HECW1: variants seen among roughly 807,000 people sequenced by gnomAD.
HECW1 encodes the protein E3 ubiquitin-protein ligase HECW1.
HECW1 carries 61 observed loss-of-function variants against 182.3 expected under a neutral mutation model. The ratio of observed to expected loss-of-function variants is 0.33; its 90% confidence interval spans 0.27 to 0.41. The LOEUF (loss-of-function observed/expected upper bound fraction) is 0.41. Ranked by LOEUF, HECW1 falls within the 10% of genes least tolerant of loss-of-function variation. The pLI is 1.00. For synonymous variants in HECW1, 859 were observed against 832.6 expected (o/e 1.03, Z -0.55); for missense variants, 1,739 against 2,108.9 (o/e 0.82, Z 3.44).
chr7:43,115,172 G>A (rs1408298868), intron 2 of HECW1, among the ~76,000 whole-genome samples: 4 of 152,140 alleles, frequency 2.6e-5, no homozygotes, highest in African/African-American at 4.8e-5. Flanking sequence ...TAATTATAAC[G>A]TGAACCATGC....
intron 2 of HECW1, among the ~76,000 whole-genome samples, chr7:43,198,527 C>T (rs1430452629): frequency 2.7e-5 from 4 of 150,690 alleles, no homozygotes; most frequent in Non-Finnish European, 1.5e-5. Context: ...CCACAGACAC[C>T]ACACTCACAC....
intron 2 of HECW1, among the ~76,000 whole-genome samples, chr7:43,188,756 A>G (rs1447217403): frequency 1.3e-5 from 2 of 152,186 alleles, no homozygotes; most frequent in African/African-American, 2.4e-5. Context: ...CCCCCGTGCC[A>G]TATCTGGCCA....
intron 2 of HECW1, among the ~76,000 whole-genome samples, chr7:43,227,473 T>C (rs1797529386): frequency 6.6e-6 from 1 of 152,174 alleles, no homozygotes; most frequent in Admixed American, 6.6e-5. Context: ...GTGCAGAAAG[T>C]ATGTAATAAA....
intron 2 of HECW1, among the ~76,000 whole-genome samples, chr7:43,189,711 T>G (rs1793726089): frequency 6.6e-6 from 1 of 152,230 alleles, no homozygotes; most frequent in Admixed American, 6.5e-5. Context: ...ATAAGAAAAC[T>G]TTTTGCACTG....
chr7:43,206,879 T>C (rs1795527734), intron 2 of HECW1, among the ~76,000 whole-genome samples: 1 of 152,242 alleles, frequency 6.6e-6, no homozygotes. Context: ...GTCTTTGTTA[T>C]AGCTGAGTTA....
chr7:43,302,351 C>G (rs1806934472), intron 3 of HECW1, among the ~76,000 whole-genome samples: 1 of 152,244 alleles, frequency 6.6e-6, no homozygotes, highest in South Asian at 2.1e-4. Flanking sequence ...GGCAGCTGCC[C>G]TTCTCAGGCT....
rs538392837 is a variant in HECW1, at chr7:43,268,346, T to C, written c.27+24414T>C. On this transcript the variant is annotated intron_variant, in intron 3 of 29. Coordinates refer to ENST00000395891, the MANE Select transcript of HECW1 (RefSeq NM_015052.5). ...GTGGAGAAGGGCTGTAGTTTAGAGA[T>C]AGGCCACCAAGATTTGAATCAAAGA... Among the ~76,000 whole-genome samples, 31 of 152,350 alleles carry C rather than the reference T, an allele frequency of 2.0e-4. No homozygotes were observed. In the South Asian group the frequency reaches 5.8e-3, roughly 29 times the overall value.
In HECW1 at chr7:43,396,826, A is replaced by T. The variant is rs1182242894; in HGVS notation, c.568A>T (p.Ile190Phe). The change falls in exon 7 of 30, where the codon ATT (isoleucine) becomes TTT (phenylalanine). Residue 190 changes from isoleucine (I) to phenylalanine (F), a missense_variant. Transcript: ENST00000395891. ...KNSAAPIFKS[I>F]GADETVQGQG... ...CTTCTTTTTACAGATTTTTAAAAGC[A>T]TTGGTGCTGATGAGACCGTCCAAGG... 1 of 1,612,268 alleles carries T rather than the reference A, an allele frequency of 6.2e-7. No individual in the cohort carries two copies. Among genetic ancestry groups the T allele is most frequent in the Non-Finnish European group, 8.5e-7 (1 of 1,179,304 alleles).
At chr7:43,415,426 G>T (rs2075959221) in intron 8 of HECW1, among the ~76,000 whole-genome samples, 1 of 148,546 alleles carries the variant, frequency 6.7e-6, no homozygotes, top group African/African-American at 2.5e-5. Flanking sequence ...TTCCCTTTGA[G>T]GGTAACCCGA....
chr7:43,173,862 G>A (rs62458215), intron 2 of HECW1, among the ~76,000 whole-genome samples: 4 of 148,512 alleles, frequency 2.7e-5, no homozygotes, highest in African/African-American at 9.9e-5. Context: ...TTTTTTTTTG[G>A]AGACAGGGTA....
chr7:43,523,773 T>C (rs1295395862), intron 24 of HECW1, among the ~76,000 whole-genome samples: 1 of 151,922 alleles, frequency 6.6e-6, no homozygotes, highest in Non-Finnish European at 1.5e-5. Context: ...GCTGGTGATA[T>C]GAGGGGGATT....
At chr7:43,455,470 G>A (rs934535164) in intron 12 of HECW1, among the ~76,000 whole-genome samples, 2 of 152,062 alleles carry the variant, frequency 1.3e-5, no homozygotes, top group Non-Finnish European at 1.5e-5. Flanking sequence ...TTAATCTGAG[G>A]GCCATTCTTC....
intron 10 of HECW1, among the ~76,000 whole-genome samples, chr7:43,443,721 A>C (rs6950232): frequency 6.6e-6 from 1 of 152,048 alleles, no homozygotes; most frequent in Admixed American, 6.5e-5. Flanking sequence ...GATTGTTCCT[A>C]TTCTTCATCC....
chr7:43,351,315 C>T lies in HECW1; in HGVS notation c.461-9571C>T, dbSNP rs140952654. Reference sequence around the variant, plus strand: ...ATAGGGGTCCTTGGCTTTGGTTGTTCAATGCTCTATTTTTGTACTGGTTGG... The same window carrying T: ...ATAGGGGTCCTTGGCTTTGGTTGTTTAATGCTCTATTTTTGTACTGGTTGG... On this transcript the variant is annotated intron_variant, in intron 5 of 29. Transcript: ENST00000395891. Among the ~76,000 whole-genome samples the T allele has an allele frequency of 4.7e-3, 709 of 152,202 alleles. 7 individuals carry two copies. The highest frequency in any genetic ancestry group is 0.016 in the African/African-American group (667 of 41,532).
rs767968550 is a variant in HECW1 at position 43,444,659 on chromosome 7, G to A, written c.1487G>A (p.Arg496Gln). 8 of 1,605,616 alleles carry A rather than the reference G, an allele frequency of 5.0e-6. No individual in the cohort carries two copies. The South Asian group carries it at 8.9e-5, about 18-fold the overall frequency. ...PLEEEATTQS[R>Q]AGREEEEKEQ... ...GAGGAGGAAGCAACGACCCAGAGCC[G>A]GGCTGGAAGGGAAGAAGAGGAGAAG... The change falls in exon 11 of 30, where the codon CGG becomes CAG. Residue 496 changes from arginine to glutamine, a missense_variant. Physicochemically the swap from Arg to Gln is conservative, Grantham distance 43. Transcript: ENST00000395891. The surrounding 1 kb of genome is among the most constrained non-coding windows in gnomAD (Gnocchi z 4.3).
chr7:43,501,309 T>A lies in HECW1; in HGVS notation c.3618T>A (p.Pro1206=). 1.3e-6 allele frequency: 2 copies of A among 1,595,152 alleles called. No individual in the cohort carries two copies. The highest frequency in any genetic ancestry group is 1.7e-6 in the Non-Finnish European group (2 of 1,165,146). ...FSPRCSPCSS[P]QNSPGLQRAS... is the part of the protein sequence containing the mutation. Reference sequence around the variant, plus strand: ...CCCGATGTTCACCCTGTTCTTCACCTCAGAACTCCCCAGGTAACAGGAATC... The same window carrying A: ...CCCGATGTTCACCCTGTTCTTCACCACAGAACTCCCCAGGTAACAGGAATC... The change falls in exon 21 of 30, where the codon CCT becomes CCA. Residue 1206 remains proline, a synonymous_variant. Transcript: ENST00000395891.
At chr7:43,254,170 C>T (rs1040891101) in intron 3 of HECW1, among the ~76,000 whole-genome samples, 7 of 152,136 alleles carry the variant, frequency 4.6e-5, no homozygotes, top group East Asian at 1.9e-4. Context: ...GCCTGGGAAG[C>T]GTCTTTGTTT....
rs1784832151 is a variant in HECW1, at chr7:43,113,788, AT to A, written c.-266-368del. 6 of 229,472 alleles carry A rather than the reference AT, an allele frequency of 2.6e-5. No homozygotes were observed. The Admixed American group carries it at 3.4e-4, about 13-fold the overall frequency. 14.2% of individuals were successfully genotyped at this position (229,472 alleles called of 1,614,324 possible). On this transcript the variant is annotated intron_variant, in intron 1 of 29. Transcript: ENST00000395891. Reference sequence around the variant, plus strand: ...AGGGCTCAAACAATGTGGCCCCTCCATCCCCGGCTCCAGGGCATTCTGATTG... The same window carrying A: ...AGGGCTCAAACAATGTGGCCCCTCCACCCCGGCTCCAGGGCATTCTGATTG...
intron 24 of HECW1, among the ~76,000 whole-genome samples, chr7:43,538,458 TTAAA>T (rs2081255715): frequency 6.6e-6 from 1 of 152,100 alleles, no homozygotes; most frequent in Non-Finnish European, 1.5e-5. Flanking sequence ...TAGGTAACAA[TTAAA>T]TAGTGAAGTT....
Sources: gnomAD v4.1 joint callset for allele counts (sites outside exome capture counted in the v4.1 genomes callset) on GRCh38, gnomAD v4.1.1 for gene constraint, Gnocchi (gnomAD v3.1) non-coding constraint, MANE v1.5 for transcripts, NCBI Gene and HGNC (gene_info 2026-07-23, HGNC 2026-07-21) for gene names.